Variants in ANKUB1 observed in about 807,000 individuals in gnomAD.
ANKUB1 encodes the protein protein ANKUB1.
ANKUB1 carries 42 observed loss-of-function variants against 49.3 expected under a neutral mutation model. The ratio of observed to expected loss-of-function variants is 0.85; its 90% CI spans 0.67 to 1.10. The LOEUF (loss-of-function observed/expected upper bound fraction) is 1.10, where lower values mean the gene tolerates loss of function less well. Among genes scored for constraint, ANKUB1 ranks in the 50% least tolerant of loss-of-function variants. The pLI, the probability that ANKUB1 is intolerant of heterozygous loss-of-function variation, is 0.00. For missense variants in ANKUB1, 613 were observed against 642.0 expected (o/e 0.95, Z 0.49); for synonymous variants, 222 against 231.0 (o/e 0.96, Z 0.35).
intron 2 of ANKUB1, among the ~76,000 whole-genome samples, chr3:149,782,704 A>G (rs1026255277): frequency 6.6e-6 from 1 of 151,730 alleles, no homozygotes; most frequent in Non-Finnish European, 1.5e-5. Flanking sequence ...ACCCAGCTAC[A>G]TTTTAAATTC....
chr3:149,769,402 A>G (rs1248235481), intron 4 of ANKUB1, among the ~76,000 whole-genome samples: 3 of 152,226 alleles, frequency 2.0e-5, no homozygotes, highest in African/African-American at 7.2e-5. Context: ...TGAGCTTAGG[A>G]AGACGTGGCC....
At chr3:149,765,447 T>A (rs1406064469) in intron 5 of ANKUB1, among the ~76,000 whole-genome samples, 2 of 151,970 alleles carry the variant, frequency 1.3e-5, no homozygotes. Flanking sequence ...TCCTTATGGA[T>A]TTTACTATAT....
At chr3:149,784,189 A>G (rs568117327) in intron 2 of ANKUB1, among the ~76,000 whole-genome samples, 1 of 152,304 alleles carries the variant, frequency 6.6e-6, no homozygotes, top group East Asian at 1.9e-4. Context: ...CATTCCAGGG[A>G]TGTCAGGAGG....
chr3:149,792,386 A>C lies in ANKUB1; in HGVS notation c.-20T>G. On this transcript the variant is annotated 5_prime_UTR_variant, in exon 1 of 6. Coordinates refer to ENST00000446160, the MANE Select transcript of ANKUB1 (RefSeq NM_001144960.3). ...CCTCATTGTACAATTACCTTTTCAA[A>C]CAAAAAATATCCAACTTTTTCAAAG... is the stretch of plus-strand genomic sequence containing the variant. 6.9e-7 allele frequency: 1 copy of C among 1,453,910 alleles called. No homozygotes were observed. Among genetic ancestry groups the C allele is most frequent in the East Asian group, 2.6e-5 (1 of 37,796 alleles). 90.1% of individuals were successfully genotyped at this position (1,453,910 alleles called of 1,614,324 possible).
intron 3 of ANKUB1, among the ~76,000 whole-genome samples, chr3:149,777,974 C>T (rs1005076210): frequency 1.3e-5 from 2 of 152,156 alleles, no homozygotes; most frequent in African/African-American, 4.8e-5. Flanking sequence ...TCTGATTTTC[C>T]ACTGCCTGTG....
rs189568065 is a variant in ANKUB1, at chr3:149,767,317, C to T, written c.1345G>A (p.Val449Ile). 18 of 1,551,392 alleles carry T rather than the reference C, an allele frequency of 1.2e-5. No homozygotes were observed. In the East Asian group the frequency reaches 3.7e-4, roughly 32 times the overall value. Residue 449 changes from valine (V) to isoleucine (I), a missense_variant, in exon 5 of 6, where the codon GTC (valine) becomes ATC (isoleucine). Transcript: ENST00000446160. ...ACTCTTGAAACTGGAGGGAGGGGGA[C>T]TTGGGGAAGATATGTGTTTTTTATG... ...KLIKNTYLPQ[V>I]PLPPVSRVGY...
At chr3:149,792,043 T>A (rs1440157923) in intron 1 of ANKUB1, among the ~76,000 whole-genome samples, 1 of 147,818 alleles carries the variant, frequency 6.8e-6, no homozygotes, top group Non-Finnish European at 1.5e-5. Flanking sequence ...GAAGTCAGAC[T>A]TTTTTTTTTT....
At chr3:149,780,525 A>G in intron 2 of ANKUB1, 70 bp from the exon 3 acceptor site, 1 of 1,171,870 alleles carries the variant, frequency 8.5e-7, no homozygotes, top group Non-Finnish European at 1.2e-6. Flanking sequence ...TTCAGAGGGT[A>G]GCTTTGAGCA....
At chr3:149,781,551 C>T (rs1361719984) in intron 2 of ANKUB1, among the ~76,000 whole-genome samples, 5 of 152,166 alleles carry the variant, frequency 3.3e-5, no homozygotes, top group African/African-American at 1.2e-4. Flanking sequence ...TCAGGTTCTT[C>T]AGGGGGCTCC....
intron 2 of ANKUB1, among the ~76,000 whole-genome samples, chr3:149,781,160 T>C (rs1717851930): frequency 6.6e-6 from 1 of 152,066 alleles, no homozygotes; most frequent in African/African-American, 2.4e-5. Context: ...ATACCAAACA[T>C]AGGTTTAGAA....
intron 2 of ANKUB1, among the ~76,000 whole-genome samples, chr3:149,785,230 A>T (rs1718040974): frequency 6.6e-6 from 1 of 152,204 alleles, no homozygotes; most frequent in Non-Finnish European, 1.5e-5. Flanking sequence ...TTTCCAAAGA[A>T]GGAAAAGTTA....
intron 5 of ANKUB1, among the ~76,000 whole-genome samples, chr3:149,766,428 C>T (rs1204668547): frequency 1.3e-5 from 2 of 152,074 alleles, no homozygotes; most frequent in African/African-American, 2.4e-5. Context: ...CTCTCTTTCC[C>T]CTCTAATTAC....
At chr3:149,778,152 G>A (rs914871060) in intron 3 of ANKUB1, among the ~76,000 whole-genome samples, 2 of 152,174 alleles carry the variant, frequency 1.3e-5, no homozygotes, top group Non-Finnish European at 2.9e-5. Flanking sequence ...AAGGTATGAA[G>A]CATATGAAGC....
chr3:149,785,834 A>C (rs1028578018), intron 2 of ANKUB1, among the ~76,000 whole-genome samples: 1 of 152,188 alleles, frequency 6.6e-6, no homozygotes, highest in Non-Finnish European at 1.5e-5. Context: ...AGGAATCTCC[A>C]TACTGTCTTC....
intron 2 of ANKUB1, among the ~76,000 whole-genome samples, chr3:149,782,070 C>A (rs1717894237): frequency 6.6e-6 from 1 of 151,880 alleles, no homozygotes; most frequent in African/African-American, 2.4e-5. Context: ...CCTATGAAAA[C>A]TGAATAAAAA....
intron 3 of ANKUB1, chr3:149,778,539 A>G (rs897617327): frequency 6.6e-6 from 1 of 152,160 alleles, no homozygotes; most frequent in Non-Finnish European, 1.5e-5. Context: ...ATCCTTTGGT[A>G]CTTCATTAAA....
At chr3:149,766,765 T>G in intron 5 of ANKUB1, 1 of 982,368 alleles carries the variant, frequency 1.0e-6, no homozygotes, top group Non-Finnish European at 1.5e-6. Context: ...ACCACTGCAC[T>G]CCAGCCTGAG....
rs548122176 is a variant in ANKUB1, at chr3:149,764,241, A to G, written c.1506-2628T>C. Among the ~76,000 whole-genome samples the G allele has an allele frequency of 6.6e-5, 10 of 152,232 alleles. No individual in the cohort carries two copies. The South Asian group carries it at 1.7e-3, about 25-fold the overall frequency. ...TTGACTGTCTACTTCAGGTAGATGT[A>G]AGTGCTTTTGTGACTTCTATGGGGA... On this transcript the variant is annotated intron_variant, in intron 5 of 5. Coordinates refer to ENST00000446160, the MANE Select transcript of ANKUB1 (RefSeq NM_001144960.3).
chr3:149,765,060 A>G (rs562378084), intron 5 of ANKUB1, among the ~76,000 whole-genome samples: 3 of 152,342 alleles, frequency 2.0e-5, no homozygotes, highest in African/African-American at 7.2e-5. Context: ...AATTAGAAAC[A>G]ATTTAAATGT....
Sources: allele counts gnomAD v4.1 joint callset (sites outside exome capture counted in the v4.1 genomes callset), GRCh38; gene constraint gnomAD v4.1.1; transcripts MANE v1.5; gene names NCBI Gene and HGNC (gene_info 2026-07-23, HGNC 2026-07-21).